Variants in AEBP2 observed in about 807,000 individuals in gnomAD.
The protein encoded by AEBP2 is zinc finger protein AEBP2.
A neutral mutation model predicts 50.8 loss-of-function variants in AEBP2; 10 were observed. The observed-to-expected ratio is 0.20, with a 90% confidence interval of 0.12 to 0.33. The LOEUF (loss-of-function observed/expected upper bound fraction) is 0.33. AEBP2 is among the 10% of genes least tolerant of loss of function. The pLI is 1.00. For missense variants in AEBP2, 570 were observed against 688.0 expected (o/e 0.83, Z 1.92); for synonymous variants, 296 against 261.3 (o/e 1.13, Z -1.28).
rs573724253 is a variant in AEBP2, at chr12:19,482,701, G to C, written c.987+9346G>C. ...AGGGGCAGGTAGAGAAATACCATCA[G>C]GTGGGAGCAGGGTTAGGCGGAACTG... On this transcript the variant is annotated intron_variant, in intron 3 of 7. Transcript: ENST00000266508. 2.6e-5 allele frequency among the ~76,000 whole-genome samples: 4 copies of C among 152,318 alleles called. No homozygotes were observed. The South Asian group carries it at 8.3e-4, about 32-fold the overall frequency.
rs538974474 is a variant in AEBP2 at position 19,502,748 on chromosome 12, A to G, written c.1299+2527A>G. 2.0e-5 allele frequency among the ~76,000 whole-genome samples: 3 copies of G among 151,732 alleles called. No homozygotes were observed. In the South Asian group the frequency reaches 6.2e-4, roughly 32 times the overall value. The stretch of plus-strand genomic sequence containing the variant: ...ACTGCAACCTCTGCCTCCTGGGTTC[A>G]AGCGATTCTTGTGCCTCAGCCTCCC... On this transcript the variant is annotated intron_variant, in intron 5 of 7. Transcript: ENST00000266508.
intron 1 of AEBP2, chr12:19,457,608 C>T: frequency 1.4e-6 from 2 of 1,476,694 alleles, no homozygotes; most frequent in Non-Finnish European, 1.8e-6. Context: ...ATCTACGTGT[C>T]CAATGACGAC....
intron 4 of AEBP2, among the ~76,000 whole-genome samples, chr12:19,497,070 G>A (rs12319774): frequency 0.49 from 74,639 of 150,944 alleles, 19,779 homozygotes; most frequent in Non-Finnish European, 0.61. Context: ...ATACTTTAAA[G>A]TGGAAAGAAT....
At chr12:19,479,748 T>TTTA (rs1328091956) in intron 3 of AEBP2, among the ~76,000 whole-genome samples, 7 of 114,248 alleles carry the variant, frequency 6.1e-5, no homozygotes, top group Non-Finnish European at 8.9e-5. Flanking sequence ...TTTTTTTTTT[T>TTTA]ACTATTGTTG....
At chr12:19,505,978 A>G (rs1289241134) in intron 5 of AEBP2, among the ~76,000 whole-genome samples, 1 of 151,280 alleles carries the variant, frequency 6.6e-6, no homozygotes, top group Non-Finnish European at 1.5e-5. Flanking sequence ...TCTTGTAGAG[A>G]TGACATCTTG....
chr12:19,478,803 A>C (rs1948687293), intron 3 of AEBP2, among the ~76,000 whole-genome samples: 1 of 152,114 alleles, frequency 6.6e-6, no homozygotes, highest in Non-Finnish European at 1.5e-5. Context: ...GTTAATTTCC[A>C]GTTTCATTCC....
At chr12:19,485,905 T>G (rs1291623780) in intron 3 of AEBP2, among the ~76,000 whole-genome samples, 3 of 149,448 alleles carry the variant, frequency 2.0e-5, no homozygotes, top group South Asian at 4.2e-4. Flanking sequence ...CAGGTGACTA[T>G]AGAGAGAGGA....
At chr12:19,499,804 T>C (rs1183426892) in intron 4 of AEBP2, among the ~76,000 whole-genome samples, 1 of 152,072 alleles carries the variant, frequency 6.6e-6, no homozygotes, top group Non-Finnish European at 1.5e-5. Context: ...AGGCGAGATG[T>C]TGGAGTAAAA....
Position 19,481,092 on chromosome 12 carries a change from C to CTTTT in AEBP2, c.987+7760_987+7763dup, listed in dbSNP as rs71067027. 2.3e-3 allele frequency among the ~76,000 whole-genome samples: 171 copies of CTTTT among 74,054 alleles called. 38 individuals carry two copies. Among genetic ancestry groups the CTTTT allele is most frequent in the East Asian group, 0.016 (30 of 1,866 alleles). The allele number at this position is 74,054 out of a possible 152,430, so 48.6% of individuals were successfully genotyped here. On this transcript the variant is annotated intron_variant, in intron 3 of 7. Coordinates refer to ENST00000266508, the MANE Select transcript of AEBP2 (RefSeq NM_153207.5). ...TGTTATTGAAACTTTGCAGTGCATC[C>CTTTT]TTTTTTTTTTTTTTTTTTTTTTTTT... is the stretch of plus-strand genomic sequence containing the variant.
chr12:19,478,183 C>G (rs1948678441), intron 3 of AEBP2, among the ~76,000 whole-genome samples: 1 of 152,156 alleles, frequency 6.6e-6, no homozygotes, highest in Admixed American at 6.5e-5. Context: ...TCATTTAGCA[C>G]CACTCTGGTC....
chr12:19,489,831 C>T (rs1287782787), intron 3 of AEBP2, among the ~76,000 whole-genome samples: 1 of 148,468 alleles, frequency 6.7e-6, no homozygotes, highest in African/African-American at 2.5e-5. Context: ...TTATATTTTT[C>T]TTTAATGTAA....
At chr12:19,411,042 CG>C (rs1555178654) in intron 1 of AEBP2, among the ~76,000 whole-genome samples, 1 of 151,542 alleles carries the variant, frequency 6.6e-6, no homozygotes. Flanking sequence ...GGCTGTGAGG[CG>C]GTCACGGCAA....
chr12:19,485,586 GTAGACCCACC>G (rs1262485499), intron 3 of AEBP2, among the ~76,000 whole-genome samples: 1 of 151,690 alleles, frequency 6.6e-6, no homozygotes, highest in East Asian at 1.9e-4. Context: ...GCATGTACCT[GTAGACCCACC>G]TACTCAGGAA....
intron 1 of AEBP2, among the ~76,000 whole-genome samples, chr12:19,427,572 C>T (rs2095749208): frequency 6.6e-6 from 1 of 150,824 alleles, no homozygotes; most frequent in South Asian, 2.1e-4. Flanking sequence ...AGCTTGTAGA[C>T]AGTAGGTTGC....
chr12:19,440,134 C>T lies in AEBP2; in HGVS notation c.435C>T (p.Ala145=). The T allele has an allele frequency of 2.0e-6, 3 of 1,494,146 alleles. No individual in the cohort carries two copies. The highest frequency in any genetic ancestry group is 1.3e-5 in the South Asian group (1 of 79,550). 92.6% of individuals were successfully genotyped at this position (1,494,146 alleles called of 1,614,324 possible). A position where few individuals can be genotyped will look rare whatever the true frequency, so the allele number is the denominator to read the frequency against. The part of the protein sequence containing the change: ...DETRSLSPGA[A]SSSSGDGDGK... ...CCCGCTCGTTGAGCCCCGGCGCCGC[C>T]AGCAGCAGCAGCGGGGATGGGGACG... Residue 145 remains alanine, a synonymous_variant, in exon 1 of 8, where the codon GCC becomes GCT. Transcript: ENST00000266508.
intron 1 of AEBP2, among the ~76,000 whole-genome samples, chr12:19,404,649 A>G (rs1402523239): frequency 6.6e-6 from 1 of 152,124 alleles, no homozygotes; most frequent in Non-Finnish European, 1.5e-5. Context: ...CTGATTTACA[A>G]CTGGTTAAGG....
intron 1 of AEBP2, among the ~76,000 whole-genome samples, chr12:19,448,390 C>G (rs1948109690): frequency 6.6e-6 from 1 of 151,718 alleles, no homozygotes; most frequent in East Asian, 1.9e-4. Flanking sequence ...GAGGCTGAGG[C>G]AGGAGAATAG....
intron 1 of AEBP2, among the ~76,000 whole-genome samples, chr12:19,419,825 G>A (rs1239958851): frequency 6.6e-6 from 1 of 150,696 alleles, no homozygotes; most frequent in African/African-American, 2.4e-5. Flanking sequence ...AGATACTCAT[G>A]AGGCTGAGGC....
intron 1 of AEBP2, among the ~76,000 whole-genome samples, chr12:19,404,530 A>G (rs1423465105): frequency 1.3e-5 from 2 of 152,064 alleles, no homozygotes; most frequent in Admixed American, 6.6e-5. Flanking sequence ...TCTCGGAAAA[A>G]TGTTCACAGT....
Sources: allele counts gnomAD v4.1 joint callset (sites outside exome capture counted in the v4.1 genomes callset), GRCh38; gene constraint gnomAD v4.1.1; transcripts MANE v1.5; gene names NCBI Gene and HGNC (gene_info 2026-07-23, HGNC 2026-07-21).